ZNF70: variants seen among roughly 807,000 people sequenced by gnomAD.
ZNF70 encodes the protein zinc finger protein 70.
ZNF70 carries 18 observed loss-of-function variants against 37.7 expected under a neutral mutation model. The ratio of observed to expected loss-of-function variants is 0.48; its 90% confidence interval spans 0.33 to 0.71. The LOEUF is 0.71. Among genes scored for constraint, ZNF70 ranks in the 30% least tolerant of loss-of-function variants. The pLI is 0.02. For missense variants in ZNF70, 506 were observed against 568.6 expected, an observed-to-expected ratio of 0.89 and a Z score of 1.12; for synonymous variants, 219 against 220.1, an observed-to-expected ratio of 0.99 and a Z score of 0.05.
At position 23,748,456 on chromosome 22, in the gene ZNF70, G is replaced by A. The variant is rs539924935; in HGVS notation, c.-80+2255C>T. Among the ~76,000 whole-genome samples, 22 of 152,144 alleles carry A rather than the reference G, an allele frequency of 1.4e-4. No homozygotes were observed. In the South Asian group the frequency reaches 3.7e-3, roughly 26 times the overall value. On this transcript the variant is annotated intron_variant, in intron 1 of 1. Coordinates refer to ENST00000341976, the MANE Select transcript of ZNF70 (RefSeq NM_021916.4). ...AGATAATATTATGTTGCCCAGGCTG[G>A]TCTTGAACTCCTGGGCTCAAGCAGT...
Position 23,738,835 on chromosome 22 carries a change from T to G in ZNF70, c.*4965A>C, listed in dbSNP as rs1455099652. 6.6e-6 allele frequency: 1 copy of G among 152,110 alleles called. No homozygotes were observed. Among genetic ancestry groups the G allele is most frequent in the Non-Finnish European group, 1.5e-5 (1 of 68,022 alleles). The allele number at this position is 152,110 out of a possible 1,614,324, so 9.4% of individuals were successfully genotyped here. ...GAGATATAACACACAAACATCAAAC[T>G]ATGATTAGATCAGGTAAATGAGTGT... On this transcript the variant is annotated 3_prime_UTR_variant, in exon 2 of 2. Transcript: ENST00000341976.
At position 23,744,946 on chromosome 22, in the gene ZNF70, C is replaced by T; in HGVS notation, c.195G>A (p.Gly65=). 6.2e-7 allele frequency: 1 copy of T among 1,614,144 alleles called. No individual in the cohort carries two copies. The highest frequency in any genetic ancestry group is 8.5e-7 in the Non-Finnish European group (1 of 1,180,032). ...EQDEENDDYE[G]NFSLCSSPVQ... ...CAGGGCTTGAGCACAAACTGAAATT[C>T]CCCTCGTAATCATCATTTTCTTCGT... The change falls in exon 2 of 2, where the codon GGG becomes GGA. Residue 65 remains glycine (G), a synonymous_variant. Transcript: ENST00000341976.
At chr22:23,750,463 T>G (rs528509486) in intron 1 of ZNF70, among the ~76,000 whole-genome samples, 1 of 151,890 alleles carries the variant, frequency 6.6e-6, no homozygotes, top group East Asian at 1.9e-4. Context: ...CCTCGCTTTC[T>G]TCCCAATTTT....
rs145327016 is a variant in ZNF70 at position 23,745,686 on chromosome 22, G to A, written c.-79-467C>T. On this transcript the variant is annotated intron_variant, in intron 1 of 1. Coordinates refer to ENST00000341976, the MANE Select transcript of ZNF70 (RefSeq NM_021916.4). ...CTAGGGAGGCTGAGGCAGGAGACTC[G>A]CTTGAACCTGGGAGGCAGAGATTGC... Among the ~76,000 whole-genome samples, 1,011 of 152,156 alleles carry A rather than the reference G, an allele frequency of 6.6e-3. 15 individuals are homozygous for A. The highest frequency in any genetic ancestry group is 0.023 in the African/African-American group (963 of 41,506).
chr22:23,750,269 G>A (rs868443765), intron 1 of ZNF70, among the ~76,000 whole-genome samples: 1 of 152,092 alleles, frequency 6.6e-6, no homozygotes, highest in Non-Finnish European at 1.5e-5. Flanking sequence ...ATCCTGCTAT[G>A]TTATGTTTGG....
At position 23,743,793 on chromosome 22, in the gene ZNF70, C is replaced by T; in HGVS notation, c.*7G>A. ...CAGGCTTTCAAGCTTTGTGTGGGCT[C>T]CTCTTTCTATAGCTTCTCCCCAGAA... On this transcript the variant is annotated 3_prime_UTR_variant, in exon 2 of 2. Transcript: ENST00000341976. The T allele has an allele frequency of 6.2e-7, 1 of 1,607,842 alleles. No individual in the cohort carries two copies.
chr22:23,743,883 C>T lies in ZNF70; in HGVS notation c.1258G>A (p.Val420Met), dbSNP rs375256842. The change falls in exon 2 of 2, where the codon GTG becomes ATG. Residue 420 changes from valine (V) to methionine (M), a missense_variant. By Grantham distance (21) the Val-to-Met change is conservative. Transcript: ENST00000341976. ...AAGGACTTGCCGCACAGATTGCACA[C>T]GTAGGGCTTCTCTCTGGTGTGGGTT... ...YKTHTREKPY[V>M]CNLCGKSFRG... 7.4e-6 allele frequency: 12 copies of T among 1,613,876 alleles called. No homozygotes were observed. Among genetic ancestry groups the T allele is most frequent in the East Asian group, 6.7e-5 (3 of 44,896 alleles).
Position 23,744,619 on chromosome 22 carries a change from C to T in ZNF70, c.522G>A (p.Gly174=), listed in dbSNP as rs139324613. The T allele has an allele frequency of 3.7e-6, 6 of 1,613,860 alleles. No individual in the cohort carries two copies. The highest frequency in any genetic ancestry group is 2.2e-5 in the East Asian group (1 of 44,882). Residue 174 remains glycine (G), a synonymous_variant, in exon 2 of 2, where the codon GGG becomes GGA. Transcript: ENST00000341976. ...GGTGGGAGCTCTGGCTGAAGGCCTT[C>T]CCGCACTCACAGCACTCATAGGGCT... is the stretch of plus-strand genomic sequence containing the variant. ...GEKPYECCEC[G]KAFSQSSHLL... is the part of the protein sequence containing the mutation.
rs1925008430 is a variant in ZNF70 at position 23,744,281 on chromosome 22, T to C, written c.860A>G (p.Lys287Arg). 1 of 1,613,844 alleles carries C rather than the reference T, an allele frequency of 6.2e-7. No individual in the cohort carries two copies. Among genetic ancestry groups the C allele is most frequent in the Non-Finnish European group, 8.5e-7 (1 of 1,179,960 alleles). Residue 287 changes from lysine (K) to arginine (R), a missense_variant, in exon 2 of 2, where the codon AAA becomes AGA. By Grantham distance (26) the Lys-to-Arg change is conservative. Coordinates refer to ENST00000341976, the MANE Select transcript of ZNF70 (RefSeq NM_021916.4). ...KKPHECDLCG[K>R]AFCHRSHLIR... The stretch of plus-strand genomic sequence containing the variant: ...GAGGTGTGACCTGTGACAAAAGGCT[T>C]TCCCACAGAGATCGCACTCGTGAGG...
intron 1 of ZNF70, among the ~76,000 whole-genome samples, chr22:23,746,782 A>G (rs1421658997): frequency 6.6e-6 from 1 of 151,802 alleles, no homozygotes; most frequent in Non-Finnish European, 1.5e-5. Context: ...TGTAGAGATG[A>G]GGTCACACTG....
chr22:23,743,705 G>C lies in ZNF70; in HGVS notation c.*95C>G. On this transcript the variant is annotated 3_prime_UTR_variant, in exon 2 of 2. Coordinates refer to ENST00000341976, the MANE Select transcript of ZNF70 (RefSeq NM_021916.4). The stretch of plus-strand genomic sequence containing the variant: ...GCTTAGGTGGGAAGGTTTCCATTCA[G>C]CATCAGGGAGGTAGGTGGGGTCTTG... 1 of 1,491,310 alleles carries C rather than the reference G, an allele frequency of 6.7e-7. No individual in the cohort carries two copies. Among genetic ancestry groups the C allele is most frequent in the Non-Finnish European group, 9.0e-7 (1 of 1,109,824 alleles). 92.4% of individuals were successfully genotyped at this position (1,491,310 alleles called of 1,614,324 possible).
At chr22:23,748,132 A>ATAT (rs1009435507) in intron 1 of ZNF70, among the ~76,000 whole-genome samples, 1 of 151,910 alleles carries the variant, frequency 6.6e-6, no homozygotes, top group African/African-American at 2.4e-5. Context: ...TCACAACTCT[A>ATAT]TACAAAGGCA....
intron 1 of ZNF70, among the ~76,000 whole-genome samples, chr22:23,748,180 C>CAAA (rs528164661): frequency 2.2e-3 from 285 of 129,150 alleles, no homozygotes; most frequent in African/African-American, 7.9e-3. Flanking sequence ...GTAACTGCCT[C>CAAA]AGAAAAAAAA....
chr22:23,749,494 C>T (rs1395858717), intron 1 of ZNF70, among the ~76,000 whole-genome samples: 1 of 136,422 alleles, frequency 7.3e-6, no homozygotes, highest in Non-Finnish European at 1.5e-5. Context: ...CGCCACTGCA[C>T]TCCAGGCTGG....
At chr22:23,750,368 A>T (rs2145902746) in intron 1 of ZNF70, among the ~76,000 whole-genome samples, 1 of 152,298 alleles carries the variant, frequency 6.6e-6, no homozygotes, top group East Asian at 1.9e-4. Context: ...TTGAAAAACG[A>T]AGATGTGACA....
intron 1 of ZNF70, among the ~76,000 whole-genome samples, chr22:23,750,020 C>T (rs961759365): frequency 1.3e-5 from 2 of 152,194 alleles, no homozygotes; most frequent in African/African-American, 4.8e-5. Flanking sequence ...CCAGTCTTCT[C>T]GGCCAGTTCC....
rs750583660 is a variant in ZNF70, at chr22:23,743,954, C to T, written c.1187G>A (p.Cys396Tyr). The T allele has an allele frequency of 1.2e-6, 2 of 1,613,520 alleles. No homozygotes were observed. The highest frequency in any genetic ancestry group is 1.3e-5 in the African/African-American group (1 of 75,032). Reference protein sequence around the residue: ...HTGKKPYTCECGKAFRHRSAL... With the variant: ...HTGKKPYTCEYGKAFRHRSAL... Reference sequence around the variant, plus strand: ...TGACCGGTGCCGGAAGGCTTTGCCACACTCGCAGGTGTAGGGCTTCTTGCC... The same window carrying T: ...TGACCGGTGCCGGAAGGCTTTGCCATACTCGCAGGTGTAGGGCTTCTTGCC... Residue 396 changes from cysteine (C) to tyrosine (Y), a missense_variant, in exon 2 of 2, where the codon TGT becomes TAT. Physicochemically the swap from Cys to Tyr is radical, Grantham distance 194. Coordinates refer to ENST00000341976, the MANE Select transcript of ZNF70 (RefSeq NM_021916.4).
Position 23,744,511 on chromosome 22 carries a change from G to A in ZNF70, c.630C>T (p.Ala210=), listed in dbSNP as rs542273683. 1.2e-6 allele frequency: 2 copies of A among 1,611,938 alleles called. No individual in the cohort carries two copies. The highest frequency in any genetic ancestry group is 1.7e-6 in the Non-Finnish European group (2 of 1,179,338). ...TGTGGATCTTTTGGTGTTGCGTGAG[G>A]GCTGAGCTCTGGCGGAAGGCCTTCC... ...ECGKAFRQSS[A]LTQHQKIHTG... The change falls in exon 2 of 2, where the codon GCC becomes GCT. Residue 210 remains alanine (A), a synonymous_variant. Transcript: ENST00000341976.
chr22:23,749,348 C>CAAAAAAAA (rs757866335), intron 1 of ZNF70, among the ~76,000 whole-genome samples: 3 of 14,352 alleles, frequency 2.1e-4, no homozygotes, highest in African/African-American at 7.5e-4. Context: ...GACTCCATCT[C>CAAAAAAAA]AAAAAAAAAA....
Sources: gnomAD v4.1 joint callset for allele counts (sites outside exome capture counted in the v4.1 genomes callset) on GRCh38, gnomAD v4.1.1 for gene constraint, MANE v1.5 for transcripts, NCBI Gene and HGNC (gene_info 2026-07-23, HGNC 2026-07-21) for gene names.